SPECC1L: variants seen among roughly 807,000 people sequenced by gnomAD.
SPECC1L encodes sperm antigen with calponin homology and coiled-coil domains 1 like.
A neutral mutation model predicts 116.8 loss-of-function variants in SPECC1L; 40 were observed. That is an observed-to-expected ratio of 0.34 (90% CI 0.27 to 0.45). The LOEUF (loss-of-function observed/expected upper bound fraction) is 0.45. Ranked by LOEUF, SPECC1L falls within the 20% of genes least tolerant of loss-of-function variation. SPECC1L has a pLI of 1.00. For missense variants in SPECC1L, 1,110 were observed against 1,373.6 expected, an observed-to-expected ratio of 0.81 and a Z score of 3.03; for synonymous variants, 504 against 500.6, an observed-to-expected ratio of 1.01 and a Z score of -0.09.
intron 13 of SPECC1L, among the ~76,000 whole-genome samples, chr22:24,367,244 T>G (rs554518383): frequency 1.3e-5 from 2 of 152,176 alleles, no homozygotes; most frequent in Non-Finnish European, 2.9e-5. Flanking sequence ...TTGTTTTTTG[T>G]TTTTGATGTG....
At chr22:24,411,738 C>T (rs2042702147) in intron 15 of SPECC1L, 34 bp downstream of exon 15, 6 of 1,560,030 alleles carry the variant, frequency 3.8e-6, no homozygotes, top group Non-Finnish European at 4.4e-6. Flanking sequence ...TGGCACCCAC[C>T]TCACAGGGTT....
chr22:24,334,658 A>C, intron 9 of SPECC1L, 85 bp downstream of exon 9: 7 of 1,439,862 alleles, frequency 4.9e-6, no homozygotes, highest in Non-Finnish European at 6.8e-6. Flanking sequence ...GGTATTCTTT[A>C]CTGTCTTACT....
At chr22:24,287,735 G>A (rs1314100686) in intron 2 of SPECC1L, among the ~76,000 whole-genome samples, 1 of 152,156 alleles carries the variant, frequency 6.6e-6, no homozygotes, top group African/African-American at 2.4e-5. Context: ...CAGTGGATCT[G>A]ATATTATAAT....
chr22:24,386,240 T>C (rs1431887351), intron 14 of SPECC1L, among the ~76,000 whole-genome samples: 3 of 152,116 alleles, frequency 2.0e-5, no homozygotes, highest in East Asian at 1.9e-4. Flanking sequence ...TGGTGACTTA[T>C]TGAAAGCTTT....
chr22:24,398,355 TA>T (rs2042406631), intron 14 of SPECC1L, among the ~76,000 whole-genome samples: 1 of 152,206 alleles, frequency 6.6e-6, no homozygotes, highest in Non-Finnish European at 1.5e-5. Flanking sequence ...TCATACAAGT[TA>T]AAAACGATGT....
intron 11 of SPECC1L, among the ~76,000 whole-genome samples, chr22:24,363,023 G>C (rs548535930): frequency 6.6e-6 from 1 of 152,164 alleles, no homozygotes; most frequent in South Asian, 2.1e-4. Flanking sequence ...AGAAGTATTC[G>C]TCTGTGTGGG....
intron 5 of SPECC1L, among the ~76,000 whole-genome samples, chr22:24,323,764 G>A (rs2040766201): frequency 6.6e-6 from 1 of 152,086 alleles, no homozygotes; most frequent in South Asian, 2.1e-4. Context: ...TTAGTTCTTG[G>A]CACATACATG....
At chr22:24,402,097 G>C (rs1380348383) in intron 14 of SPECC1L, among the ~76,000 whole-genome samples, 1 of 63,362 alleles carries the variant, frequency 1.6e-5, no homozygotes, top group Non-Finnish European at 3.4e-5. Flanking sequence ...AAAATGTACT[G>C]CTTCCCCTTC....
intron 11 of SPECC1L, among the ~76,000 whole-genome samples, chr22:24,349,303 A>G (rs1019264750): frequency 6.6e-6 from 1 of 152,108 alleles, no homozygotes; most frequent in Non-Finnish European, 1.5e-5. Flanking sequence ...TGGCCTCCCA[A>G]AGTGCTGGGA....
At chr22:24,294,614 C>G (rs1465468555) in intron 2 of SPECC1L, among the ~76,000 whole-genome samples, 3 of 151,798 alleles carry the variant, frequency 2.0e-5, no homozygotes, top group Admixed American at 6.5e-5. Context: ...AACTTCTGAC[C>G]TCACTTGATC....
intron 10 of SPECC1L, among the ~76,000 whole-genome samples, chr22:24,343,250 A>T (rs2041216493): frequency 6.6e-6 from 1 of 152,170 alleles, no homozygotes; most frequent in Non-Finnish European, 1.5e-5. Context: ...ATTTGATGGA[A>T]ATTATATACT....
chr22:24,369,263 A>C lies in SPECC1L; in HGVS notation c.3030A>C (p.Gly1010=), dbSNP rs771568286. ...TCTCAGCATTGGCCAGAGAATATGG[A>C]GGATCAAAGAGGAACGCCTTGCTGA... is the stretch of plus-strand genomic sequence containing the variant. The part of the protein sequence containing the change: ...DPLSALAREY[G]GSKRNALLKW... Residue 1010 remains glycine, a synonymous_variant, in exon 14 of 17, where the codon GGA becomes GGC. Transcript: ENST00000314328. The C allele has an allele frequency of 6.2e-7, 1 of 1,614,152 alleles. No individual in the cohort carries two copies. Among genetic ancestry groups the C allele is most frequent in the South Asian group, 1.1e-5 (1 of 91,090 alleles).
intron 1 of SPECC1L, among the ~76,000 whole-genome samples, chr22:24,276,124 T>G (rs570737142): frequency 2.6e-4 from 39 of 152,220 alleles, no homozygotes; most frequent in African/African-American, 8.9e-4. Flanking sequence ...GTGGGCATAT[T>G]TCAGGGCTTT....
chr22:24,398,960 C>T (rs2042418469), intron 14 of SPECC1L, among the ~76,000 whole-genome samples: 1 of 152,140 alleles, frequency 6.6e-6, no homozygotes, highest in Admixed American at 6.5e-5. Context: ...GAGTAATATC[C>T]CCTGCCAAAG....
rs143159095 is a variant in SPECC1L, at chr22:24,321,037, A to G, written c.308-251A>G. 9.2e-5 allele frequency among the ~76,000 whole-genome samples: 14 copies of G among 152,342 alleles called. No homozygotes were observed. In the East Asian group the frequency reaches 2.7e-3, roughly 29 times the overall value. On this transcript the variant is annotated intron_variant, in intron 4 of 16. Transcript: ENST00000314328. ...TGTAGAAATGTAATTCACATTCCAT[A>G]AAATTTACTCTTTTAAAAACATGTA...
intron 7 of SPECC1L, 55 bp downstream of exon 7, chr22:24,328,974 G>A (rs1681799158): frequency 1.7e-5 from 22 of 1,312,184 alleles, no homozygotes; most frequent in Middle Eastern, 3.6e-4. Context: ...TGAAATCTGA[G>A]GTGTAGTCAT....
intron 4 of SPECC1L, among the ~76,000 whole-genome samples, chr22:24,314,459 A>G (rs1489587466): frequency 6.6e-6 from 1 of 152,242 alleles, no homozygotes; most frequent in South Asian, 2.1e-4. Context: ...AATTTCCAAC[A>G]GTCTTATAAA....
intron 7 of SPECC1L, among the ~76,000 whole-genome samples, chr22:24,329,337 A>T (rs2040892369): frequency 6.6e-6 from 1 of 152,246 alleles, no homozygotes; most frequent in African/African-American, 2.4e-5. Flanking sequence ...CTCGACCTGT[A>T]GAAATTTATG....
chr22:24,326,436 GAT>G (rs776110940), intron 6 of SPECC1L, among the ~76,000 whole-genome samples: 4 of 152,146 alleles, frequency 2.6e-5, no homozygotes, highest in Non-Finnish European at 4.4e-5. Context: ...TGCCTCCAGA[GAT>G]AAGGATCAGG....
Sources: allele counts gnomAD v4.1 joint callset (sites outside exome capture counted in the v4.1 genomes callset), GRCh38; gene constraint gnomAD v4.1.1; transcripts MANE v1.5; gene names NCBI Gene and HGNC (gene_info 2026-07-23, HGNC 2026-07-21).